The following NIT2 variants were observed in gnomAD, a reference collection of about 807,000 sequenced individuals.
The protein encoded by NIT2 is nitrilase family member 2.
Under a neutral mutation model 42.7 loss-of-function variants are expected in NIT2, and 46 were observed. The ratio of observed to expected loss-of-function variants is 1.08; its 90% CI spans 0.85 to 1.38. The LOEUF is 1.38. Ranked by LOEUF, NIT2 falls within the 40% of genes most tolerant of loss-of-function variation. The pLI, the probability that NIT2 is intolerant of heterozygous loss-of-function variation, is 0.00. For missense variants in NIT2, 309 were observed against 342.5 expected, an observed-to-expected ratio of 0.90 and a Z score of 0.77; for synonymous variants, 123 against 121.9, an observed-to-expected ratio of 1.01 and a Z score of -0.06.
At chr3:100,336,259 C>G (rs999939201) in intron 1 of NIT2, among the ~76,000 whole-genome samples, 7 of 152,130 alleles carry the variant, frequency 4.6e-5, no homozygotes, top group Non-Finnish European at 1.5e-5. Flanking sequence ...AGATAGCTCT[C>G]TAATGGTAGG....
intron 7 of NIT2, among the ~76,000 whole-genome samples, chr3:100,351,873 A>G (rs1457967300): frequency 6.6e-6 from 1 of 152,176 alleles, no homozygotes; most frequent in Non-Finnish European, 1.5e-5. Flanking sequence ...ACAAAGGGCT[A>G]ATATCCAGAA....
intron 7 of NIT2, chr3:100,350,049 A>G (rs1706258183): frequency 6.6e-6 from 1 of 152,256 alleles, no homozygotes. Context: ...CAAGATGAAC[A>G]TAACAGAACA....
intron 5 of NIT2, 39 bp from the exon 6 acceptor site, chr3:100,346,142 A>T: frequency 6.5e-7 from 1 of 1,527,776 alleles, no homozygotes; most frequent in African/African-American, 1.4e-5. Flanking sequence ...TGCTGTAGGG[A>T]GTTAACTTTT....
intron 7 of NIT2, among the ~76,000 whole-genome samples, chr3:100,351,763 T>G (rs1706276304): frequency 6.6e-6 from 1 of 152,162 alleles, no homozygotes; most frequent in Non-Finnish European, 1.5e-5. Flanking sequence ...AAATGGGATC[T>G]AATTAAACTA....
intron 1 of NIT2, 100 bp downstream of exon 1, chr3:100,334,898 G>A (rs1160259949): frequency 3.6e-6 from 4 of 1,121,320 alleles, no homozygotes; most frequent in East Asian, 3.5e-5. Context: ...CCTCCGCCCC[G>A]CGTCCCCGCC....
intron 1 of NIT2, among the ~76,000 whole-genome samples, chr3:100,338,320 A>G (rs1706102755): frequency 6.6e-6 from 1 of 152,116 alleles, no homozygotes; most frequent in Non-Finnish European, 1.5e-5. Flanking sequence ...CTTCTGCAGT[A>G]TCTCTTTCAA....
Position 100,355,625 on chromosome 3 carries a change from A to G in NIT2, c.*357A>G, listed in dbSNP as rs981829529. ...CTCTTATCCCGTTGCTGGAGTTGTA[A>G]TCTCCATCATCTAGAAAACGTGGTC... On this transcript the variant is annotated 3_prime_UTR_variant, in exon 10 of 10. Transcript: ENST00000394140. The G allele has an allele frequency of 1.7e-5, 3 of 177,096 alleles. No homozygotes were observed. Among genetic ancestry groups the G allele is most frequent in the African/African-American group, 7.1e-5 (3 of 42,210 alleles). 11.0% of individuals were successfully genotyped at this position (177,096 alleles called of 1,614,324 possible).
At chr3:100,350,464 C>G (rs1189144388) in intron 7 of NIT2, among the ~76,000 whole-genome samples, 1 of 152,184 alleles carries the variant, frequency 6.6e-6, no homozygotes, top group African/African-American at 2.4e-5. Context: ...TCCATTCTCT[C>G]CGGCCACCTT....
intron 8 of NIT2, among the ~76,000 whole-genome samples, chr3:100,354,066 G>A (rs1431058414): frequency 6.6e-6 from 1 of 152,164 alleles, no homozygotes; most frequent in African/African-American, 2.4e-5. Flanking sequence ...GTGAGCTACC[G>A]CACCCTTCCT....
rs751998800 is a variant in NIT2 at position 100,354,761 on chromosome 3, A to G, written c.684-11A>G. 6.2e-7 allele frequency: 1 copy of G among 1,605,846 alleles called. No individual in the cohort carries two copies. Among genetic ancestry groups the G allele is most frequent in the Non-Finnish European group, 8.5e-7 (1 of 1,175,724 alleles). ...AGTGAATCCACTCATTCTCTTCTGC[A>G]TCTTTTTCAGGGGGGAGGTTCTAGC... On this transcript the variant is annotated splice_polypyrimidine_tract_variant and intron_variant, in intron 8 of 9. Transcript: ENST00000394140.
Position 100,334,928 on chromosome 3 carries a change from G to A in NIT2, c.7+130G>A, listed in dbSNP as rs558239312. 7.7e-6 allele frequency: 7 copies of A among 906,278 alleles called. No individual in the cohort carries two copies. In the South Asian group the frequency reaches 2.1e-4, roughly 27 times the overall value. 56.1% of individuals were successfully genotyped at this position (906,278 alleles called of 1,614,324 possible). On this transcript the variant is annotated intron_variant, in intron 1 of 9. Transcript: ENST00000394140. ...CCCGCCGTGCGCGGCCTTCCCTGAG[G>A]CGGGCGTCCGCGTGGGTCCGGGATC...
At chr3:100,347,756 G>A (rs1024816108) in intron 6 of NIT2, among the ~76,000 whole-genome samples, 6 of 152,180 alleles carry the variant, frequency 3.9e-5, no homozygotes, top group African/African-American at 1.4e-4. Context: ...TTGCAAGAAG[G>A]AATTCAAGGA....
intron 1 of NIT2, among the ~76,000 whole-genome samples, 188 bp from the exon 2 acceptor site, chr3:100,338,899 G>A (rs1235930987): frequency 1.3e-5 from 2 of 152,038 alleles, no homozygotes; most frequent in African/African-American, 4.8e-5. Context: ...TAGGATGTTT[G>A]GCAGTATCCT....
At chr3:100,338,966 C>T in intron 1 of NIT2, 121 bp from the exon 2 acceptor site, 1 of 744,230 alleles carries the variant, frequency 1.3e-6, no homozygotes, top group South Asian at 1.5e-5. Flanking sequence ...TCAAAGGTAT[C>T]TTCAGACATT....
At chr3:100,336,307 C>T (rs1380029110) in intron 1 of NIT2, among the ~76,000 whole-genome samples, 2 of 152,128 alleles carry the variant, frequency 1.3e-5, no homozygotes, top group Non-Finnish European at 2.9e-5. Context: ...ATGGGAAGTT[C>T]GGGCAGGCCA....
rs1413416088 is a variant in NIT2 at position 100,357,830 on chromosome 3, T to TG, written c.*2566dup. 6.6e-6 allele frequency: 1 copy of TG among 152,020 alleles called. No individual in the cohort carries two copies. The highest frequency in any genetic ancestry group is 2.4e-5 in the African/African-American group (1 of 41,388). The allele number at this position is 152,020 out of a possible 1,614,324, so 9.4% of individuals were successfully genotyped here. Reference sequence around the variant, plus strand: ...CTAATTTTTGTGTTTTTAGTAGAGATGGGGTTTCACCATCTTGGCCAGGCT... The same window carrying TG: ...CTAATTTTTGTGTTTTTAGTAGAGATGGGGGTTTCACCATCTTGGCCAGGCT... On this transcript the variant is annotated 3_prime_UTR_variant, in exon 10 of 10. Coordinates refer to ENST00000394140, the MANE Select transcript of NIT2 (RefSeq NM_020202.5).
At chr3:100,350,449 GC>G (rs1559825407) in intron 7 of NIT2, among the ~76,000 whole-genome samples, 1 of 152,178 alleles carries the variant, frequency 6.6e-6, no homozygotes, top group Non-Finnish European at 1.5e-5. Flanking sequence ...CTCTCATAAG[GC>G]CACTCCATTC....
chr3:100,337,277 T>G (rs1706088861), intron 1 of NIT2, among the ~76,000 whole-genome samples: 1 of 151,974 alleles, frequency 6.6e-6, no homozygotes, highest in Non-Finnish European at 1.5e-5. Context: ...CTGATCGCTC[T>G]TTCTTTTCCC....
intron 2 of NIT2, 80 bp from the exon 3 acceptor site, chr3:100,339,733 CAG>C (rs1163646920): frequency 1.2e-4 from 168 of 1,353,438 alleles, no homozygotes; most frequent in Non-Finnish European, 1.7e-4. Context: ...GAGCTAGAAG[CAG>C]CAGCTATGGC....
Sources: allele counts gnomAD v4.1 joint callset (sites outside exome capture counted in the v4.1 genomes callset), GRCh38; gene constraint gnomAD v4.1.1; transcripts MANE v1.5; gene names NCBI Gene and HGNC (gene_info 2026-07-23, HGNC 2026-07-21).